TSNAX: variants seen among roughly 807,000 people sequenced by gnomAD.
TSNAX encodes the protein translin-associated protein X.
In TSNAX, 12 loss-of-function variants were observed where a neutral mutation model predicts 33.0. The observed-to-expected ratio is 0.36, with a 90% CI of 0.23 to 0.59. The LOEUF is 0.59. TSNAX is among the 20% of genes least tolerant of loss of function. The probability of loss-of-function intolerance (pLI) is 0.74; values close to 1 mark genes in which losing one functional copy is unlikely to be tolerated. For missense variants in TSNAX, 267 were observed against 341.3 expected (o/e 0.78, Z 1.72); for synonymous variants, 110 against 117.2 (o/e 0.94, Z 0.40).
At chr1:231,541,324 T>C (rs772598963) in intron 3 of TSNAX, among the ~76,000 whole-genome samples, 3 of 152,230 alleles carry the variant, frequency 2.0e-5, no homozygotes, top group Non-Finnish European at 4.4e-5. Context: ...ACAAGAATCT[T>C]TTCACTTTGC....
intron 4 of TSNAX, among the ~76,000 whole-genome samples, chr1:231,547,060 C>T (rs145892492): frequency 1.1e-3 from 165 of 152,260 alleles, no homozygotes; most frequent in African/African-American, 3.6e-3. Context: ...TTTTTCTCTG[C>T]CTGATATGGT....
intron 4 of TSNAX, among the ~76,000 whole-genome samples, chr1:231,549,849 T>A (rs902392555): frequency 3.9e-5 from 6 of 152,226 alleles, no homozygotes; most frequent in Non-Finnish European, 5.9e-5. Flanking sequence ...TTACTAGGCC[T>A]GTCATAATAA....
chr1:231,544,651 A>G (rs1451818037), intron 4 of TSNAX, among the ~76,000 whole-genome samples: 4 of 152,240 alleles, frequency 2.6e-5, no homozygotes, highest in Admixed American at 2.6e-4. Flanking sequence ...TCTATTTTGT[A>G]TGTCCTCATG....
chr1:231,529,815 T>G (rs970553574), intron 2 of TSNAX, among the ~76,000 whole-genome samples: 18 of 152,218 alleles, frequency 1.2e-4, no homozygotes. Context: ...ATTTTCACAG[T>G]CCCCTTTTCT....
At chr1:231,532,165 CACACACACACACACACACACAG>C (rs1357220557) in intron 2 of TSNAX, among the ~76,000 whole-genome samples, 105 of 92,776 alleles carry the variant, frequency 1.1e-3, no homozygotes, top group Middle Eastern at 5.7e-3. Flanking sequence ...CACACACACA[CACACACACACACACACACACAG>C]TTTTGGTTTT....
chr1:231,556,086 A>G (rs1660676233), intron 4 of TSNAX, among the ~76,000 whole-genome samples: 1 of 152,246 alleles, frequency 6.6e-6, no homozygotes, highest in Admixed American at 6.5e-5. Flanking sequence ...AATTACGGAG[A>G]CAATGATATG....
chr1:231,550,087 C>T (rs902338455), intron 4 of TSNAX, among the ~76,000 whole-genome samples: 20 of 152,152 alleles, frequency 1.3e-4, no homozygotes, highest in Admixed American at 9.8e-4. Context: ...CAGTCATATT[C>T]GATAAAAGTA....
Position 231,565,385 on chromosome 1 carries a change from C to T in TSNAX, c.*480C>T, listed in dbSNP as rs1661354882. The T allele has an allele frequency of 6.5e-6, 1 of 153,182 alleles. No homozygotes were observed. The highest frequency in any genetic ancestry group is 6.5e-5 in the Admixed American group (1 of 15,364). The allele number at this position is 153,182 out of a possible 1,614,324, so 9.5% of individuals were successfully genotyped here. A position where few individuals can be genotyped will look rare whatever the true frequency, so the allele number is the denominator to read the frequency against. ...GCCAAGCCTCAAAAATAGGCTTATTCCATGGAACAAGAATTAAAAATGAAT... is the reference window on the plus strand; with the variant it reads ...GCCAAGCCTCAAAAATAGGCTTATTTCATGGAACAAGAATTAAAAATGAAT... On this transcript the variant is annotated 3_prime_UTR_variant, in exon 6 of 6. Coordinates refer to ENST00000366639, the MANE Select transcript of TSNAX (RefSeq NM_005999.3).
intron 4 of TSNAX, among the ~76,000 whole-genome samples, chr1:231,545,039 A>G (rs568023177): frequency 2.6e-5 from 4 of 152,204 alleles, no homozygotes; most frequent in African/African-American, 4.8e-5. Context: ...AAAGTCTTTA[A>G]AATGAGATTC....
intron 3 of TSNAX, 155 bp from the exon 4 acceptor site, chr1:231,542,322 ATTTT>A (rs1272960405): frequency 1.5e-6 from 1 of 679,930 alleles, no homozygotes; most frequent in Non-Finnish European, 2.3e-6. Context: ...TGTTAATAAC[ATTTT>A]CATGTTCTCC....
chr1:231,540,491 T>C (rs1246131764), intron 3 of TSNAX, among the ~76,000 whole-genome samples: 1 of 152,238 alleles, frequency 6.6e-6, no homozygotes, highest in African/African-American at 2.4e-5. Context: ...TCTAATTTAA[T>C]TTCATGTGGT....
intron 1 of TSNAX, 84 bp downstream of exon 1, chr1:231,528,910 C>G: frequency 6.4e-7 from 1 of 1,561,268 alleles, no homozygotes; most frequent in South Asian, 1.1e-5. Flanking sequence ...CCTTTTCACC[C>G]TTGAAGGATG....
At chr1:231,551,526 C>T (rs1305435891) in intron 4 of TSNAX, among the ~76,000 whole-genome samples, 1 of 152,044 alleles carries the variant, frequency 6.6e-6, no homozygotes, top group Non-Finnish European at 1.5e-5. Flanking sequence ...TGGCATATAA[C>T]CATTAACAAA....
At chr1:231,540,085 A>G (rs1332101030) in intron 3 of TSNAX, among the ~76,000 whole-genome samples, 1 of 150,224 alleles carries the variant, frequency 6.7e-6, no homozygotes, top group African/African-American at 2.5e-5. Context: ...GAGGCAGGAG[A>G]ATTGCTTGAA....
chr1:231,540,077 G>A (rs1659468009), intron 3 of TSNAX, among the ~76,000 whole-genome samples: 1 of 151,276 alleles, frequency 6.6e-6, no homozygotes, highest in African/African-American at 2.4e-5. Context: ...GGGAGGCTGA[G>A]GCAGGAGAAT....
chr1:231,554,219 A>G (rs1209029762), intron 4 of TSNAX, among the ~76,000 whole-genome samples: 4 of 152,206 alleles, frequency 2.6e-5, no homozygotes, highest in Non-Finnish European at 5.9e-5. Flanking sequence ...TCTGCCCTTC[A>G]TCAGTTTGAA....
rs759753905 is a variant in TSNAX, at chr1:231,564,605, G to A, written c.573G>A (p.Val191=). The A allele has an allele frequency of 3.7e-6, 6 of 1,613,994 alleles. No homozygotes were observed. Among genetic ancestry groups the A allele is most frequent in the Non-Finnish European group, 3.4e-6 (4 of 1,180,022 alleles). Residue 191 remains valine, a synonymous_variant, in exon 6 of 6, where the codon GTG becomes GTA. Coordinates refer to ENST00000366639, the MANE Select transcript of TSNAX (RefSeq NM_005999.3). ...CACCTGTCGATTACCTTCTGGGAGT[G>A]GCTGACTTAACTGGAGAATTGATGC... is the stretch of plus-strand genomic sequence containing the variant. ...RVTPVDYLLG[V]ADLTGELMRM...
rs1659654903 is a variant in TSNAX, at chr1:231,542,664, G to C, written c.367+53G>C. On this transcript the variant is annotated intron_variant, in intron 4 of 5. Transcript: ENST00000366639. ...ATATATTTTAAATGGTGTGCTACAT[G>C]ATTAACATGTGAGTTGCATGAATTT... 3 of 1,557,208 alleles carry C rather than the reference G, an allele frequency of 1.9e-6. No homozygotes were observed. In the East Asian group the frequency reaches 6.8e-5, roughly 35 times the overall value.
intron 3 of TSNAX, among the ~76,000 whole-genome samples, chr1:231,539,909 A>C (rs1224031294): frequency 2.0e-5 from 3 of 152,158 alleles, no homozygotes; most frequent in Non-Finnish European, 2.9e-5. Context: ...AAGAGGCTGG[A>C]TGTGGAGGCT....
Sources: gnomAD v4.1 joint callset for allele counts (sites outside exome capture counted in the v4.1 genomes callset) on GRCh38, gnomAD v4.1.1 for gene constraint, MANE v1.5 for transcripts, NCBI Gene and HGNC (gene_info 2026-07-23, HGNC 2026-07-21) for gene names.